The following GABRA5 variants were observed in gnomAD, a reference collection of about 807,000 sequenced individuals.
GABRA5 encodes the protein gamma-aminobutyric acid receptor subunit alpha-5.
A neutral mutation model predicts 47.3 loss-of-function variants in GABRA5; 18 were observed. That is an observed-to-expected ratio of 0.38 (90% CI 0.26 to 0.56). The LOEUF (loss-of-function observed/expected upper bound fraction) is 0.56. Ranked by LOEUF, GABRA5 falls within the 20% of genes least tolerant of loss-of-function variation. GABRA5 has a pLI of 0.71. For synonymous variants in GABRA5, 237 were observed against 229.3 expected, an observed-to-expected ratio of 1.03 and a Z score of -0.30; for missense variants, 365 against 599.3, an observed-to-expected ratio of 0.61 and a Z score of 4.08.
chr15:26,892,971 G>A (rs1190975580), intron 6 of GABRA5, among the ~76,000 whole-genome samples: 1 of 151,382 alleles, frequency 6.6e-6, no homozygotes, highest in East Asian at 1.9e-4. Flanking sequence ...TGTGGTGCGC[G>A]TGGGGGGTGT....
At position 26,948,006 on chromosome 15, in the gene GABRA5, A is replaced by G; in HGVS notation, c.1162A>G (p.Ile388Val). ...TTGKMSHPPN[I>V]PKEQTPAGTS... ...TGGGAAGATGTCTCACCCCCCAAAC[A>G]TTCCGAAGGAACAGACCCCAGCAGG... is the stretch of plus-strand genomic sequence containing the variant. Residue 388 changes from isoleucine to valine, a missense_variant, in exon 11 of 11, where the codon ATT (isoleucine) becomes GTT (valine). Ile to Val is a conservative substitution (Grantham distance 29, BLOSUM62 3). Around this residue, in one of 3 missense-constraint regions of GABRA5, gnomAD observed 106 missense variants for 130.3 expected, o/e 0.81. Transcript: ENST00000335625. 1 of 1,601,342 alleles carries G rather than the reference A, an allele frequency of 6.2e-7. No homozygotes were observed. The highest frequency in any genetic ancestry group is 8.5e-7 in the Non-Finnish European group (1 of 1,173,468).
At chr15:26,912,994 C>A (rs1036505130) in intron 6 of GABRA5, among the ~76,000 whole-genome samples, 9 of 152,042 alleles carry the variant, frequency 5.9e-5, no homozygotes, top group African/African-American at 2.2e-4. Flanking sequence ...ACCAGCCTGG[C>A]CAACATGGTG....
chr15:26,942,377 G>T (rs8029437), intron 9 of GABRA5, among the ~76,000 whole-genome samples: 13,649 of 152,222 alleles, frequency 0.09, 1,746 homozygotes, highest in African/African-American at 0.28. Context: ...GGCTCCAGGG[G>T]ATACTGTTCC....
At chr15:26,917,759 A>G (rs2140297254) in intron 7 of GABRA5, among the ~76,000 whole-genome samples, 1 of 151,966 alleles carries the variant, frequency 6.6e-6, no homozygotes, top group East Asian at 1.9e-4. Context: ...ATCTATTTAG[A>G]CTTCCTATTT....
chr15:26,896,897 T>A (rs1893206094), intron 6 of GABRA5, among the ~76,000 whole-genome samples: 1 of 151,814 alleles, frequency 6.6e-6, no homozygotes, highest in Admixed American at 6.6e-5. Flanking sequence ...AAAAGTTTTA[T>A]TATGTGAATT....
chr15:26,926,165 A>G (rs1022767508), intron 7 of GABRA5, among the ~76,000 whole-genome samples: 20 of 152,120 alleles, frequency 1.3e-4, no homozygotes, highest in Non-Finnish European at 4.4e-5. Context: ...GTGAAAAGCC[A>G]TTCTTTCCTC....
At chr15:26,935,695 TC>T (rs1186321988) in intron 7 of GABRA5, among the ~76,000 whole-genome samples, 1 of 152,146 alleles carries the variant, frequency 6.6e-6, no homozygotes, top group Non-Finnish European at 1.5e-5. Flanking sequence ...TCAGTCTGCC[TC>T]CCTCCAGGCC....
chr15:26,886,477 C>T (rs900505263), intron 6 of GABRA5, among the ~76,000 whole-genome samples: 2 of 152,202 alleles, frequency 1.3e-5, no homozygotes, highest in Admixed American at 1.3e-4. Context: ...ACTTCACAGA[C>T]ACAGCGTCCT....
chr15:26,927,519 A>G (rs1272136131), intron 7 of GABRA5, among the ~76,000 whole-genome samples: 2 of 152,212 alleles, frequency 1.3e-5, no homozygotes, highest in Non-Finnish European at 2.9e-5. Flanking sequence ...GATTTTATTC[A>G]TATGTCATGT....
Position 26,925,684 on chromosome 15 carries a change from T to C in GABRA5, c.580+10799T>C, listed in dbSNP as rs1056160023. Among the ~76,000 whole-genome samples, 5 of 152,036 alleles carry C rather than the reference T, an allele frequency of 3.3e-5. No homozygotes were observed. The East Asian group carries it at 7.8e-4, about 24-fold the overall frequency. On this transcript the variant is annotated intron_variant, in intron 7 of 10. Transcript: ENST00000335625. ...GCGTTTTCTCTTGAGCACAGGTCCT[T>C]TTTTTTTGTTTCTTTTACGTATAAT...
rs149452363 is a variant in GABRA5, at chr15:26,884,444, A to G, written c.497+887A>G. On this transcript the variant is annotated intron_variant, in intron 6 of 10. Transcript: ENST00000335625. ...TTTTCAAAGTTTCCAAAGTGGGTCT[A>G]TGGAAGTAGGCTTCAGAAAATATTT... 1.5e-3 allele frequency among the ~76,000 whole-genome samples: 231 copies of G among 152,316 alleles called. 1 individual carries two copies. The highest frequency in any genetic ancestry group is 5.4e-3 in the African/African-American group (225 of 41,566).
At chr15:26,945,069 C>G (rs1359439328) in intron 10 of GABRA5, among the ~76,000 whole-genome samples, 1 of 152,204 alleles carries the variant, frequency 6.6e-6, no homozygotes, top group Admixed American at 6.5e-5. Context: ...TGAAAGTGAC[C>G]TGCACTGTCT....
intron 3 of GABRA5, among the ~76,000 whole-genome samples, chr15:26,874,388 A>G (rs1489436718): frequency 6.6e-6 from 1 of 152,152 alleles, no homozygotes; most frequent in Admixed American, 6.5e-5. Flanking sequence ...CTCAGGTGTT[A>G]GAGCTTAGAG....
At chr15:26,935,490 G>C (rs1269643822) in intron 7 of GABRA5, among the ~76,000 whole-genome samples, 1 of 152,178 alleles carries the variant, frequency 6.6e-6, no homozygotes, top group African/African-American at 2.4e-5. Context: ...GGCTGGCCTC[G>C]GCCCCAGCCG....
intron 6 of GABRA5, among the ~76,000 whole-genome samples, chr15:26,885,378 G>A (rs868632635): frequency 2.0e-5 from 3 of 149,378 alleles, no homozygotes; most frequent in South Asian, 4.2e-4. Flanking sequence ...GAGCTTCAAA[G>A]CATCTTTCTG....
At chr15:26,938,628 A>G (rs941638353) in intron 8 of GABRA5, among the ~76,000 whole-genome samples, 2 of 152,218 alleles carry the variant, frequency 1.3e-5, no homozygotes, top group African/African-American at 4.8e-5. Context: ...GACTTGGATC[A>G]CCAGTAGAGA....
intron 7 of GABRA5, among the ~76,000 whole-genome samples, chr15:26,922,965 G>T (rs1053981586): frequency 1.3e-5 from 2 of 152,122 alleles, no homozygotes; most frequent in South Asian, 4.1e-4. Flanking sequence ...ACGGTCTGCT[G>T]TATACTCATT....
intron 6 of GABRA5, among the ~76,000 whole-genome samples, chr15:26,891,210 T>C (rs1414663766): frequency 6.6e-6 from 1 of 152,140 alleles, no homozygotes; most frequent in Admixed American, 6.5e-5. Context: ...ATGGACCATC[T>C]CCAGCACATG....
In GABRA5 at chr15:26,883,423, C is replaced by A; in HGVS notation, c.363C>A (p.Asn121Lys). 6.2e-7 allele frequency: 1 copy of A among 1,614,140 alleles called. No individual in the cohort carries two copies. The highest frequency in any genetic ancestry group is 8.5e-7 in the Non-Finnish European group (1 of 1,179,980). ...FKGPMQRLPL[N>K]NLLASKIWTP... is the part of the protein sequence containing the mutation. ...GGCCCATGCAGCGCCTCCCTCTCAA[C>A]AACCTCCTTGCCAGCAAGATCTGGA... Residue 121 changes from asparagine to lysine, a missense_variant, in exon 6 of 11, where the codon AAC (asparagine) becomes AAA (lysine). This residue lies in a region of GABRA5 where 216 missense variants were observed against 335.3 expected (regional missense o/e 0.64). Transcript: ENST00000335625. The surrounding 1 kb of genome is among the most constrained non-coding windows in gnomAD (Gnocchi z 4.8).
Sources: allele counts gnomAD v4.1 joint callset (sites outside exome capture counted in the v4.1 genomes callset), GRCh38; gene constraint gnomAD v4.1.1; regional missense constraint gnomAD v4.1.1; non-coding constraint Gnocchi (gnomAD v3.1); transcripts MANE v1.5; gene names NCBI Gene and HGNC (gene_info 2026-07-23, HGNC 2026-07-21).